Variants in PEPD observed in about 807,000 individuals in gnomAD.
The protein encoded by PEPD is xaa-Pro dipeptidase.
In PEPD, 53 loss-of-function variants were observed where a neutral mutation model predicts 60.7. That is an observed-to-expected ratio of 0.87 (90% CI 0.70 to 1.10). PEPD has a LOEUF of 1.10. PEPD is among the 50% of genes least tolerant of loss of function. The pLI, the probability that PEPD is intolerant of heterozygous loss-of-function variation, is 0.00. For missense variants in PEPD, 711 were observed against 711.9 expected (o/e 1.00, Z 0.01); for synonymous variants, 267 against 284.1 (o/e 0.94, Z 0.60).
intron 11 of PEPD, among the ~76,000 whole-genome samples, chr19:33,403,614 G>A (rs1968552312): frequency 6.6e-6 from 1 of 152,220 alleles, no homozygotes; most frequent in Admixed American, 6.5e-5. Context: ...GGCCTCATGT[G>A]GAGCAAGGAG....
rs527642323 is a variant in PEPD, at chr19:33,467,113, C to T, written c.549-3051G>A. ...CGGAGCTTGCAGTGAGCCGAGATCACGCCACTGCACTCCAGCCTGGGTGAC... is the reference window on the plus strand; with the variant it reads ...CGGAGCTTGCAGTGAGCCGAGATCATGCCACTGCACTCCAGCCTGGGTGAC... On this transcript the variant is annotated intron_variant, in intron 7 of 14. Transcript: ENST00000244137. 6.0e-5 allele frequency among the ~76,000 whole-genome samples: 9 copies of T among 150,470 alleles called. No homozygotes were observed. The South Asian group carries it at 6.3e-4, about 11-fold the overall frequency.
At chr19:33,471,860 C>A (rs2145287274) in intron 7 of PEPD, among the ~76,000 whole-genome samples, 1 of 152,152 alleles carries the variant, frequency 6.6e-6, no homozygotes, top group South Asian at 2.1e-4. Context: ...GTCTACAAAA[C>A]ATTTAAAAAT....
chr19:33,418,820 C>T (rs1249529679), intron 9 of PEPD, among the ~76,000 whole-genome samples: 2 of 152,192 alleles, frequency 1.3e-5, no homozygotes, highest in Non-Finnish European at 2.9e-5. Flanking sequence ...GCTCCGAGTG[C>T]CTGAAATGAG....
chr19:33,515,159 A>C (rs1438278506), intron 1 of PEPD, among the ~76,000 whole-genome samples: 1 of 152,268 alleles, frequency 6.6e-6, no homozygotes, highest in South Asian at 2.1e-4. Flanking sequence ...GCAAACGCTC[A>C]ACACATATCT....
At chr19:33,416,762 CG>C (rs1284470639) in intron 9 of PEPD, among the ~76,000 whole-genome samples, 3 of 152,226 alleles carry the variant, frequency 2.0e-5, no homozygotes, top group African/African-American at 7.2e-5. Context: ...AGGCAAGACT[CG>C]GGTAGAAGAG....
In PEPD at chr19:33,486,338, G is replaced by A. The variant is rs898168053; in HGVS notation, c.503+3658C>T. On this transcript the variant is annotated intron_variant, in intron 6 of 14. Coordinates refer to ENST00000244137, the MANE Select transcript of PEPD (RefSeq NM_000285.4). ...ACACCCACCCCTCCTGCCAGAGCCC[G>A]CAGCAAAGCCTGCTCTTCCCAAATC... is the stretch of plus-strand genomic sequence containing the variant. Among the ~76,000 whole-genome samples, 63 of 135,320 alleles carry A rather than the reference G, an allele frequency of 4.7e-4. 1 individual carries two copies. Among genetic ancestry groups the A allele is most frequent in the Middle Eastern group, 3.9e-3 (1 of 254 alleles). The allele number at this position is 135,320 out of a possible 152,430, so 88.8% of individuals were successfully genotyped here.
At chr19:33,467,156 CAAAA>C (rs72043066) in intron 7 of PEPD, among the ~76,000 whole-genome samples, 204 of 123,716 alleles carry the variant, frequency 1.6e-3, no homozygotes, top group African/African-American at 5.7e-3. Flanking sequence ...GACTCCGTCT[CAAAA>C]AAAAAAAAAA....
chr19:33,441,262 G>A (rs757307796), intron 9 of PEPD, among the ~76,000 whole-genome samples: 4 of 152,186 alleles, frequency 2.6e-5, no homozygotes, highest in Non-Finnish European at 4.4e-5. Flanking sequence ...AACATCTTTC[G>A]GGTGAGGCTG....
At chr19:33,463,852 CTG>C in intron 8 of PEPD, 133 bp downstream of exon 8, 1 of 713,376 alleles carries the variant, frequency 1.4e-6, no homozygotes, top group Non-Finnish European at 2.6e-6. Context: ...AGAACAATCA[CTG>C]TGTAAAACTT....
At chr19:33,429,200 G>A (rs1259270806) in intron 9 of PEPD, among the ~76,000 whole-genome samples, 1 of 152,122 alleles carries the variant, frequency 6.6e-6, no homozygotes, top group Non-Finnish European at 1.5e-5. Flanking sequence ...TGCTGGAGGA[G>A]AGCCACTGGG....
At chr19:33,450,811 C>T (rs989742361) in intron 9 of PEPD, among the ~76,000 whole-genome samples, 8 of 152,090 alleles carry the variant, frequency 5.3e-5, no homozygotes, top group African/African-American at 1.9e-4. Context: ...AGGCGGGGCT[C>T]GGACACCAGA....
At chr19:33,404,977 C>T (rs772319880) in intron 11 of PEPD, among the ~76,000 whole-genome samples, 1 of 152,234 alleles carries the variant, frequency 6.6e-6, no homozygotes, top group African/African-American at 2.4e-5. Flanking sequence ...ATGGAGAATT[C>T]GGTCATACGT....
chr19:33,445,992 G>A (rs1969587288), intron 9 of PEPD, among the ~76,000 whole-genome samples: 1 of 152,192 alleles, frequency 6.6e-6, no homozygotes, highest in African/African-American at 2.4e-5. Flanking sequence ...CCACCACCAA[G>A]GAAGGGCCGC....
chr19:33,416,264 A>G (rs1968890101), intron 9 of PEPD, among the ~76,000 whole-genome samples: 1 of 152,272 alleles, frequency 6.6e-6, no homozygotes, highest in South Asian at 2.1e-4. Flanking sequence ...CCCGTGGATG[A>G]CCGACATGCC....
chr19:33,392,804 G>A (rs1329442341), intron 12 of PEPD, among the ~76,000 whole-genome samples: 1 of 152,204 alleles, frequency 6.6e-6, no homozygotes, highest in Non-Finnish European at 1.5e-5. Flanking sequence ...TCTGTGGCTG[G>A]CGGAGGGCAG....
intron 9 of PEPD, among the ~76,000 whole-genome samples, chr19:33,461,231 T>C (rs924314072): frequency 6.6e-6 from 1 of 151,932 alleles, no homozygotes; most frequent in Non-Finnish European, 1.5e-5. Context: ...CAAACAAAAC[T>C]AAACACAAAA....
intron 7 of PEPD, among the ~76,000 whole-genome samples, chr19:33,475,826 T>C (rs781597845): frequency 3.9e-5 from 6 of 152,140 alleles, no homozygotes; most frequent in Non-Finnish European, 8.8e-5. Context: ...TCAGATCCTA[T>C]GAATCATTTG....
chr19:33,475,327 A>AT (rs1970196250), intron 7 of PEPD, among the ~76,000 whole-genome samples: 1 of 151,916 alleles, frequency 6.6e-6, no homozygotes, highest in African/African-American at 2.4e-5. Flanking sequence ...AAGCCCACCC[A>AT]TTCCTGTTAA....
intron 4 of PEPD, among the ~76,000 whole-genome samples, chr19:33,499,556 G>T (rs1216956365): frequency 6.6e-6 from 1 of 152,074 alleles, no homozygotes; most frequent in East Asian, 1.9e-4. Flanking sequence ...AGAACTGGAC[G>T]TTCAAGACAA....
Sources: allele counts gnomAD v4.1 joint callset (sites outside exome capture counted in the v4.1 genomes callset), GRCh38; gene constraint gnomAD v4.1.1; transcripts MANE v1.5; gene names NCBI Gene and HGNC (gene_info 2026-07-23, HGNC 2026-07-21).